CDH13: variants seen among roughly 807,000 people sequenced by gnomAD.
The protein encoded by CDH13 is cadherin 13.
A neutral mutation model predicts 63.8 loss-of-function variants in CDH13; 24 were observed. The observed-to-expected ratio is 0.38, with a 90% CI of 0.27 to 0.53. The LOEUF is 0.53. Ranked by LOEUF, CDH13 falls within the 20% of genes least tolerant of loss-of-function variation. The pLI, the probability that CDH13 is intolerant of heterozygous loss-of-function variation, is 0.85. For missense variants in CDH13, 1,049 were observed against 903.1 expected, an observed-to-expected ratio of 1.16 and a Z score of -2.07; for synonymous variants, 503 against 355.3, an observed-to-expected ratio of 1.42 and a Z score of -4.67.
At chr16:83,301,025 G>GTTTTTTTTTTTTTTTTTTTTTTTTTTT (rs3052591) in intron 5 of CDH13, among the ~76,000 whole-genome samples, 1 of 78,756 alleles carries the variant, frequency 1.3e-5, no homozygotes, top group African/African-American at 5.4e-5. Context: ...ACTTTCTGGG[G>GTTTTTTTTTTTTTTTTTTTTTTTTTTT]TTTTTTTTTT....
At chr16:83,014,747 T>A (rs1306376135) in intron 2 of CDH13, among the ~76,000 whole-genome samples, 2,966 of 26,274 alleles carry the variant, frequency 0.11, 182 homozygotes, top group South Asian at 0.24. Context: ...AAAAAAAATA[T>A]ATATATATAT....
intron 1 of CDH13, among the ~76,000 whole-genome samples, chr16:82,793,370 G>A (rs565073622): frequency 2.4e-4 from 29 of 118,804 alleles, no homozygotes; most frequent in African/African-American, 6.5e-4. Flanking sequence ...ACTTTCTGTG[G>A]AAAAGGGAGG....
At chr16:83,288,007 T>C (rs1162719251) in intron 5 of CDH13, among the ~76,000 whole-genome samples, 1 of 152,234 alleles carries the variant, frequency 6.6e-6, no homozygotes, top group South Asian at 2.1e-4. Flanking sequence ...CTGATTTCTT[T>C]CGTTTGACTC....
Position 83,798,537 on chromosome 16 carries a change from A to T in CDH13, c.*3507A>T, listed in dbSNP as rs1318535308. 1 of 152,258 alleles carries T rather than the reference A, an allele frequency of 6.6e-6. No homozygotes were observed. The highest frequency in any genetic ancestry group is 1.5e-5 in the Non-Finnish European group (1 of 68,058). The allele number at this position is 152,258 out of a possible 1,614,324, so 9.4% of individuals were successfully genotyped here. On this transcript the variant is annotated 3_prime_UTR_variant, in exon 14 of 14. Transcript: ENST00000567109. ...TCCAACTCACAGATAAAGAAGGCTG[A>T]GGCTCAGAAAAATTGAATGGCTTGC...
At chr16:83,706,313 A>T (rs998130896) in intron 10 of CDH13, among the ~76,000 whole-genome samples, 7 of 152,184 alleles carry the variant, frequency 4.6e-5, no homozygotes, top group African/African-American at 1.7e-4. Context: ...CTCAGAAATC[A>T]TACAGTGTCA....
At chr16:83,081,109 G>T (rs543719057) in intron 3 of CDH13, among the ~76,000 whole-genome samples, 1 of 151,844 alleles carries the variant, frequency 6.6e-6, no homozygotes, top group East Asian at 2.0e-4. Flanking sequence ...TCGAACTCCC[G>T]ACGTCAGGTG....
At chr16:83,691,460 G>T (rs990270491) in intron 10 of CDH13, among the ~76,000 whole-genome samples, 2 of 152,092 alleles carry the variant, frequency 1.3e-5, no homozygotes, top group African/African-American at 2.4e-5. Flanking sequence ...GGGAGGAGTG[G>T]CCCTGCCTGG....
rs1395206373 is a variant in CDH13 at position 82,893,591 on chromosome 16, C to T, written c.157+35118C>T. Among the ~76,000 whole-genome samples the T allele has an allele frequency of 5.3e-5, 8 of 152,182 alleles. 1 individual carries two copies. Among genetic ancestry groups the T allele is most frequent in the Non-Finnish European group, 1.2e-4 (8 of 68,040 alleles). On this transcript the variant is annotated intron_variant, in intron 2 of 13. Transcript: ENST00000567109. ...GTTTGGCATGCAGGAAAGTGAACCT[C>T]TTTAGTTTAGAATATGGGTTGGATA...
intron 6 of CDH13, among the ~76,000 whole-genome samples, chr16:83,392,708 C>A (rs1054369793): frequency 2.6e-5 from 4 of 152,206 alleles, no homozygotes; most frequent in Non-Finnish European, 5.9e-5. Context: ...GGAGTACAGT[C>A]AGCTTCAAAG....
chr16:82,769,670 A>G (rs936874736), intron 1 of CDH13, among the ~76,000 whole-genome samples: 1 of 152,232 alleles, frequency 6.6e-6, no homozygotes, highest in Non-Finnish European at 1.5e-5. Flanking sequence ...GAGCAATTCC[A>G]TGATGCCCTA....
intron 10 of CDH13, among the ~76,000 whole-genome samples, chr16:83,743,028 T>G (rs1004536355): frequency 2.0e-5 from 3 of 152,126 alleles, no homozygotes; most frequent in African/African-American, 7.2e-5. Flanking sequence ...GCCAACTTGG[T>G]GAAACCCCGC....
chr16:83,015,593 A>G (rs545442257), intron 2 of CDH13, among the ~76,000 whole-genome samples: 39 of 147,730 alleles, frequency 2.6e-4, no homozygotes, highest in Non-Finnish European at 1.2e-4. Flanking sequence ...CCATTTAAAC[A>G]TCTGTGATTC....
At chr16:83,477,821 T>C (rs1368682504) in intron 6 of CDH13, among the ~76,000 whole-genome samples, 1 of 152,162 alleles carries the variant, frequency 6.6e-6, no homozygotes, top group South Asian at 2.1e-4. Flanking sequence ...CTAGTCCCAC[T>C]GAGTGATCTT....
chr16:83,514,614 C>T (rs1377618772), intron 7 of CDH13, among the ~76,000 whole-genome samples: 2 of 152,086 alleles, frequency 1.3e-5, no homozygotes, highest in African/African-American at 2.4e-5. Context: ...CACTGCACTC[C>T]GGCCTGGGCA....
At chr16:82,716,042 A>G (rs537100714) in intron 1 of CDH13, among the ~76,000 whole-genome samples, 2 of 152,266 alleles carry the variant, frequency 1.3e-5, no homozygotes, top group South Asian at 2.1e-4. Flanking sequence ...GGCTCTGCCT[A>G]AAGTCGGATA....
intron 10 of CDH13, among the ~76,000 whole-genome samples, chr16:83,746,572 G>A (rs1215204198): frequency 6.6e-6 from 1 of 152,138 alleles, no homozygotes; most frequent in African/African-American, 2.4e-5. Flanking sequence ...CCCTTCAGTT[G>A]GAGATTTTCA....
intron 2 of CDH13, among the ~76,000 whole-genome samples, chr16:82,969,110 C>G (rs1049218824): frequency 6.6e-6 from 1 of 151,880 alleles, no homozygotes; most frequent in Non-Finnish European, 1.5e-5. Context: ...CTCTCTCAAA[C>G]GAAAAAGAAA....
intron 10 of CDH13, among the ~76,000 whole-genome samples, chr16:83,724,233 ATG>A (rs372197420): frequency 0.015 from 1,215 of 82,798 alleles, 11 homozygotes; most frequent in Non-Finnish European, 0.023. Context: ...GCATGGATGA[ATG>A]TGGAATGCAT....
intron 1 of CDH13, among the ~76,000 whole-genome samples, chr16:82,668,898 C>G (rs950976066): frequency 1.3e-5 from 2 of 152,212 alleles, no homozygotes; most frequent in African/African-American, 4.8e-5. Flanking sequence ...TCCAGAATTT[C>G]TGTGCATGTG....
Sources: allele counts gnomAD v4.1 joint callset (sites outside exome capture counted in the v4.1 genomes callset), GRCh38; gene constraint gnomAD v4.1.1; transcripts MANE v1.5; gene names NCBI Gene and HGNC (gene_info 2026-07-23, HGNC 2026-07-21).